The following OSBPL6 variants were observed in gnomAD, a reference collection of about 807,000 sequenced individuals.
OSBPL6 encodes the protein oxysterol-binding protein-related protein 6.
OSBPL6 carries 49 observed loss-of-function variants against 125.8 expected under a neutral mutation model. That is an observed-to-expected ratio of 0.39 (90% CI 0.31 to 0.49). The LOEUF (loss-of-function observed/expected upper bound fraction) is 0.49, where lower values mean the gene tolerates loss of function less well. Ranked by LOEUF, OSBPL6 falls within the 20% of genes least tolerant of loss-of-function variation. The pLI is 0.88. For missense variants in OSBPL6, 986 were observed against 1,135.4 expected, an observed-to-expected ratio of 0.87 and a Z score of 1.89; for synonymous variants, 394 against 391.8, an observed-to-expected ratio of 1.01 and a Z score of -0.07.
chr2:178,349,427 C>T, intron 12 of OSBPL6, 38 bp downstream of exon 12: 4 of 1,585,554 alleles, frequency 2.5e-6, no homozygotes, highest in Non-Finnish European at 3.5e-6. Context: ...AAGAAGCTCT[C>T]TTCTTTGATG....
intron 2 of OSBPL6, among the ~76,000 whole-genome samples, chr2:178,291,101 T>C (rs1685215343): frequency 7.3e-6 from 1 of 136,424 alleles, no homozygotes; most frequent in Non-Finnish European, 1.7e-5. Context: ...GAGTTAACTA[T>C]GAGGTGTTTT....
intron 14 of OSBPL6, among the ~76,000 whole-genome samples, chr2:178,373,669 C>T (rs1317435213): frequency 6.6e-6 from 1 of 152,180 alleles, no homozygotes; most frequent in Non-Finnish European, 1.5e-5. Context: ...GATTTAAAAT[C>T]AAGGCACAGT....
chr2:178,298,264 A>G (rs1354540345), intron 2 of OSBPL6, among the ~76,000 whole-genome samples: 1 of 152,092 alleles, frequency 6.6e-6, no homozygotes, highest in Non-Finnish European at 1.5e-5. Flanking sequence ...ACCCTTTTTT[A>G]AATATATTCA....
chr2:178,345,783 A>C (rs1489598717), intron 11 of OSBPL6, among the ~76,000 whole-genome samples: 1 of 152,224 alleles, frequency 6.6e-6, no homozygotes, highest in Non-Finnish European at 1.5e-5. Context: ...ATATACATCT[A>C]AGATGGCATG....
chr2:178,195,024 G>C lies in OSBPL6; in HGVS notation c.-351+350G>C, dbSNP rs191778706. On this transcript the variant is annotated intron_variant, in intron 1 of 24. Coordinates refer to ENST00000190611, the MANE Select transcript of OSBPL6 (RefSeq NM_032523.4). ...TTCCCTCGCGCGGGCCGGCGCCCCT[G>C]CTCCCCGCAGGCTGCCTGGGGATTG... Among the ~76,000 whole-genome samples, 42 of 152,254 alleles carry C rather than the reference G, an allele frequency of 2.8e-4. 1 individual carries two copies. The East Asian group carries it at 6.2e-3, about 23-fold the overall frequency.
chr2:178,379,285 A>AAGAAAG (rs1553574865), intron 15 of OSBPL6, among the ~76,000 whole-genome samples: 17 of 141,808 alleles, frequency 1.2e-4, no homozygotes, highest in Non-Finnish European at 2.3e-4. Context: ...GAAAGAAAGA[A>AAGAAAG]AAGAAAGAAA....
chr2:178,234,509 G>A (rs1161501359), intron 1 of OSBPL6, among the ~76,000 whole-genome samples: 1 of 152,168 alleles, frequency 6.6e-6, no homozygotes, highest in Non-Finnish European at 1.5e-5. Flanking sequence ...GAGGTACTGT[G>A]TACATTTCAC....
intron 1 of OSBPL6, among the ~76,000 whole-genome samples, chr2:178,219,894 G>A (rs1026820316): frequency 1.3e-5 from 2 of 152,150 alleles, no homozygotes; most frequent in Non-Finnish European, 2.9e-5. Context: ...ACTGCCTTCC[G>A]AGCAATGCTA....
rs200289513 is a variant in OSBPL6 at position 178,397,391 on chromosome 2, G to A, written c.*1832G>A. The A allele has an allele frequency of 6.6e-6, 1 of 152,176 alleles. No individual in the cohort carries two copies. The highest frequency in any genetic ancestry group is 2.4e-5 in the African/African-American group (1 of 41,498). 9.4% of individuals were successfully genotyped at this position (152,176 alleles called of 1,614,324 possible). On this transcript the variant is annotated 3_prime_UTR_variant, in exon 25 of 25. Transcript: ENST00000190611. ...TCTCATTCCCATTTTAAATCCATAG[G>A]TGGCTTGCCCTGCGGCAGTAAAATC...
At chr2:178,361,885 TGGG>T (rs1692393401) in intron 13 of OSBPL6, 70 bp downstream of exon 13, 3 of 1,578,362 alleles carry the variant, frequency 1.9e-6, no homozygotes, top group South Asian at 2.3e-5. Context: ...GATCAAAAGA[TGGG>T]GGGCTGGCAG....
rs748850386 is a variant in OSBPL6, at chr2:178,391,056, G to T, written c.2302-17G>T. The T allele has an allele frequency of 1.2e-6, 2 of 1,612,436 alleles. No individual in the cohort carries two copies. Among genetic ancestry groups the T allele is most frequent in the Admixed American group, 1.7e-5 (1 of 59,568 alleles). ...TTAAAGCCATCAAATGTCACAATTG[G>T]GGTTTGGTTTTTCCAGGTGAATTAT... On this transcript the variant is annotated splice_polypyrimidine_tract_variant and intron_variant, in intron 21 of 24. Transcript: ENST00000190611.
Position 178,309,970 on chromosome 2 carries a change from A to G in OSBPL6, c.102+3684A>G, listed in dbSNP as rs150944066. On this transcript the variant is annotated intron_variant, in intron 3 of 24. Transcript: ENST00000190611. ...AAGTGCTAAACAAAATATCTTTTGCAATGTGCATTACAAAATTAAGGACAC... is the reference window on the plus strand; with the variant it reads ...AAGTGCTAAACAAAATATCTTTTGCGATGTGCATTACAAAATTAAGGACAC... Among the ~76,000 whole-genome samples, 455 of 152,356 alleles carry G rather than the reference A, an allele frequency of 3.0e-3. 5 individuals carry two copies. Among genetic ancestry groups the G allele is most frequent in the African/African-American group, 0.011 (444 of 41,572 alleles).
chr2:178,394,281 A>G (rs772262301), intron 23 of OSBPL6, 32 bp from the exon 24 acceptor site: 86 of 1,600,258 alleles, frequency 5.4e-5, no homozygotes, highest in Middle Eastern at 5.0e-4. Context: ...AAAGAGGATA[A>G]TATGTTAAAA....
intron 1 of OSBPL6, among the ~76,000 whole-genome samples, chr2:178,257,055 A>G (rs2091909343): frequency 6.6e-6 from 1 of 152,248 alleles, no homozygotes; most frequent in Non-Finnish European, 1.5e-5. Context: ...TGTGTGTCTT[A>G]GCATTGGAAG....
At chr2:178,209,703 G>A (rs2153952651) in intron 1 of OSBPL6, among the ~76,000 whole-genome samples, 1 of 151,772 alleles carries the variant, frequency 6.6e-6, no homozygotes, top group East Asian at 1.9e-4. Flanking sequence ...CACTCAAGTG[G>A]GTCTTTTAAA....
intron 12 of OSBPL6, among the ~76,000 whole-genome samples, chr2:178,358,288 CA>C (rs1692006697): frequency 6.6e-6 from 1 of 151,854 alleles, no homozygotes; most frequent in African/African-American, 2.4e-5. Context: ...ATTTGATAAC[CA>C]GAGCAACCTG....
At chr2:178,255,289 C>T (rs540297973) in intron 1 of OSBPL6, among the ~76,000 whole-genome samples, 1 of 152,354 alleles carries the variant, frequency 6.6e-6, no homozygotes, top group South Asian at 2.1e-4. Context: ...GGCCACGCAA[C>T]AGGGCGAGAC....
At chr2:178,386,981 G>A (rs1047580823) in intron 19 of OSBPL6, 80 bp from the exon 20 acceptor site, 6 of 849,398 alleles carry the variant, frequency 7.1e-6, no homozygotes, top group Admixed American at 5.1e-5. Flanking sequence ...TTCATAAAGT[G>A]TAATACAAAA....
chr2:178,277,600 A>G (rs560008237), intron 1 of OSBPL6, among the ~76,000 whole-genome samples: 3 of 152,376 alleles, frequency 2.0e-5, no homozygotes, highest in African/African-American at 7.2e-5. Flanking sequence ...AAATTAGTTT[A>G]TTAGGGTATA....
Sources: allele counts gnomAD v4.1 joint callset (sites outside exome capture counted in the v4.1 genomes callset), GRCh38; gene constraint gnomAD v4.1.1; transcripts MANE v1.5; gene names NCBI Gene and HGNC (gene_info 2026-07-23, HGNC 2026-07-21).